NXPE2: variants seen among roughly 807,000 people sequenced by gnomAD.
NXPE2 encodes NXPE family member 2.
A neutral mutation model predicts 34.4 loss-of-function variants in NXPE2; 34 were observed. That is an observed-to-expected ratio of 0.99 (90% CI 0.75 to 1.31). The LOEUF (loss-of-function observed/expected upper bound fraction) is 1.31. Among genes scored for constraint, NXPE2 ranks in the 40% most tolerant of loss-of-function variants. The pLI is 0.00. For synonymous variants in NXPE2, 235 were observed against 231.3 expected (o/e 1.02, Z -0.15); for missense variants, 649 against 672.5 (o/e 0.97, Z 0.39).
the NXPE2 span, among the ~76,000 whole-genome samples, chr11:114,613,440 T>G: frequency 6.6e-6 from 1 of 151,514 alleles, no homozygotes; most frequent in Non-Finnish European, 1.5e-5. Flanking sequence ...GTGTTGCCTC[T>G]TGTGTAACCA....
At chr11:114,590,535 G>A in the NXPE2 span, among the ~76,000 whole-genome samples, 1 of 152,098 alleles carries the variant, frequency 6.6e-6, no homozygotes, top group Non-Finnish European at 1.5e-5. Flanking sequence ...CTCCTAACCT[G>A]GAAACCTAAA....
chr11:114,683,172 T>A (rs1950978101), intron 2 of NXPE2, among the ~76,000 whole-genome samples: 2 of 152,034 alleles, frequency 1.3e-5, no homozygotes, highest in African/African-American at 2.4e-5. Context: ...TTAAAATAAA[T>A]CCTCTTATTG....
At chr11:114,675,406 T>A (rs1362157515), upstream of NXPE2, among the ~76,000 whole-genome samples, 4 of 151,626 alleles carry the variant, frequency 2.6e-5, no homozygotes, top group Non-Finnish European at 5.9e-5. Flanking sequence ...TATAGAGAAC[T>A]CTAAAGACTC....
At chr11:114,626,574 A>C in the NXPE2 span, among the ~76,000 whole-genome samples, 1 of 152,204 alleles carries the variant, frequency 6.6e-6, no homozygotes, top group African/African-American at 2.4e-5. Flanking sequence ...GATGGGGAAA[A>C]AACAGAGCAG....
rs532890787 is a variant in NXPE2 at position 114,705,401 on chromosome 11, CA to C, written c.929-379del. On this transcript the variant is annotated intron_variant, in intron 4 of 5. Transcript: ENST00000389586. ...TTTGAGGAAGATGAGATTTACAATT[CA>C]GCGAGGCCAATGTCATTGGTGTAAT... is the stretch of plus-strand genomic sequence containing the variant. 1.9e-3 allele frequency among the ~76,000 whole-genome samples: 288 copies of C among 152,304 alleles called. 2 individuals are homozygous for C. Among genetic ancestry groups the C allele is most frequent in the African/African-American group, 5.6e-3 (234 of 41,554 alleles).
chr11:114,489,797 C>G, the NXPE2 span, among the ~76,000 whole-genome samples: 1 of 152,168 alleles, frequency 6.6e-6, no homozygotes, highest in Non-Finnish European at 1.5e-5. Context: ...AAAACTGGCA[C>G]AAGACACGGA....
chr11:114,742,837 T>C, the NXPE2 span, among the ~76,000 whole-genome samples: 1 of 152,138 alleles, frequency 6.6e-6, no homozygotes, highest in Admixed American at 6.5e-5. Context: ...AGCTCTGGGG[T>C]AGTGAGTGTT....
At chr11:114,531,289 C>G in the NXPE2 span, among the ~76,000 whole-genome samples, 6 of 152,174 alleles carry the variant, frequency 3.9e-5, no homozygotes, top group South Asian at 1.2e-3. Flanking sequence ...GATAAGTTTA[C>G]TCTTTCTTTT....
the NXPE2 span, among the ~76,000 whole-genome samples, chr11:114,545,920 A>C: frequency 6.6e-6 from 1 of 151,900 alleles, no homozygotes; most frequent in Non-Finnish European, 1.5e-5. Flanking sequence ...CGATAGCTTG[A>C]CTTTGCGATC....
chr11:114,537,252 A>C, the NXPE2 span, among the ~76,000 whole-genome samples: 1 of 152,244 alleles, frequency 6.6e-6, no homozygotes, highest in Non-Finnish European at 1.5e-5. Flanking sequence ...AAAAACTCTC[A>C]ATAAATTAGG....
Position 114,706,447 on chromosome 11 carries a change from T to G in NXPE2, c.1197T>G (p.Leu399=), listed in dbSNP as rs1396512225. The change falls in exon 6 of 6, where the codon CTT becomes CTG. Residue 399 remains leucine (L), a synonymous_variant. Coordinates refer to ENST00000389586, the MANE Select transcript of NXPE2 (RefSeq NM_182495.6). ...CTGGGATCTTTAAAACACATGTTCTTCTGGATGTTGAAAGACATATTTTGA... is the reference window on the plus strand; with the variant it reads ...CTGGGATCTTTAAAACACATGTTCTGCTGGATGTTGAAAGACATATTTTGA... The part of the protein sequence containing the change: ...HGAGIFKTHV[L]LDVERHILIQ... The G allele has an allele frequency of 6.4e-7, 1 of 1,551,594 alleles. No individual in the cohort carries two copies. The highest frequency in any genetic ancestry group is 1.2e-5 in the South Asian group (1 of 84,012).
chr11:114,694,245 A>C (rs1951207056), intron 2 of NXPE2, among the ~76,000 whole-genome samples: 1 of 152,226 alleles, frequency 6.6e-6, no homozygotes, highest in Admixed American at 6.5e-5. Flanking sequence ...TTACACCTTC[A>C]ATCTTAATTC....
At chr11:114,738,465 T>C in the NXPE2 span, among the ~76,000 whole-genome samples, 54 of 152,162 alleles carry the variant, frequency 3.5e-4, no homozygotes, top group African/African-American at 1.3e-3. Context: ...TGTCCATTCT[T>C]TCCTTGGGAC....
the NXPE2 span, among the ~76,000 whole-genome samples, chr11:114,520,817 C>A: frequency 6.6e-6 from 1 of 152,162 alleles, no homozygotes; most frequent in African/African-American, 2.4e-5. Flanking sequence ...AATTGAGCAT[C>A]TTTCTTACAG....
the NXPE2 span, among the ~76,000 whole-genome samples, chr11:114,780,420 A>AG: frequency 6.6e-6 from 1 of 152,186 alleles, no homozygotes; most frequent in Non-Finnish European, 1.5e-5. Context: ...TGCTGGGTTG[A>AG]GGAGAGGCAC....
chr11:114,606,697 G>A, the NXPE2 span, among the ~76,000 whole-genome samples: 16 of 151,884 alleles, frequency 1.1e-4, no homozygotes, highest in Admixed American at 4.6e-4. Context: ...ACTGTTACCC[G>A]GAGGGTAATA....
the NXPE2 span, among the ~76,000 whole-genome samples, chr11:114,577,047 ATATATATATACATATATATATATAAAGT>A: frequency 2.9e-4 from 12 of 41,950 alleles, no homozygotes; most frequent in East Asian, 1.1e-3. Context: ...ATATAAAGTT[ATATATATATACATATATATATATAAAGT>A]TATATATATA....
the NXPE2 span, among the ~76,000 whole-genome samples, chr11:114,782,853 C>T: frequency 4.6e-5 from 7 of 152,200 alleles, no homozygotes; most frequent in African/African-American, 1.7e-4. Context: ...TAGGAGATAC[C>T]TGCAGGCGTT....
At chr11:114,604,857 C>T in the NXPE2 span, among the ~76,000 whole-genome samples, 3 of 151,966 alleles carry the variant, frequency 2.0e-5, no homozygotes, top group Non-Finnish European at 4.4e-5. Context: ...TCCACTGTTA[C>T]CTGCTGGATA....
Sources: gnomAD v4.1 joint callset for allele counts (sites outside exome capture counted in the v4.1 genomes callset) on GRCh38, gnomAD v4.1.1 for gene constraint, MANE v1.5 for transcripts, NCBI Gene and HGNC (gene_info 2026-07-23, HGNC 2026-07-21) for gene names.